CEP192: variants seen among roughly 807,000 people sequenced by gnomAD.
The protein encoded by CEP192 is centrosomal protein 192, also known as centrosomal protein of 192 kDa.
Under a neutral mutation model 271.8 loss-of-function variants are expected in CEP192, and 151 were observed. That is an observed-to-expected ratio of 0.56 (90% CI 0.49 to 0.64). The LOEUF (loss-of-function observed/expected upper bound fraction) is 0.64, where lower values mean the gene tolerates loss of function less well. CEP192 is among the 30% of genes least tolerant of loss of function. The probability of loss-of-function intolerance (pLI) is 0.00; values close to 1 mark genes in which losing one functional copy is unlikely to be tolerated. For synonymous variants in CEP192, 995 were observed against 1,076.5 expected, an observed-to-expected ratio of 0.92 and a Z score of 1.48; for missense variants, 2,910 against 3,020.5, an observed-to-expected ratio of 0.96 and a Z score of 0.86.
intron 20 of CEP192, chr18:13,058,708 G>A (rs1038745149): frequency 6.0e-5 from 12 of 199,088 alleles, no homozygotes; most frequent in Admixed American, 1.1e-4. Flanking sequence ...GGACCTCAGC[G>A]GTTAGCCTGA....
At chr18:13,070,951 C>T (rs1283956318) in intron 27 of CEP192, 88 bp from the exon 28 acceptor site, 3 of 1,043,178 alleles carry the variant, frequency 2.9e-6, no homozygotes, top group East Asian at 4.8e-5. Flanking sequence ...GCACCCAGTT[C>T]AGTCTTTTGG....
At chr18:13,107,814 A>C (rs1185436383) in intron 40 of CEP192, among the ~76,000 whole-genome samples, 1 of 152,170 alleles carries the variant, frequency 6.6e-6, no homozygotes, top group Non-Finnish European at 1.5e-5. Context: ...GTTTATTAAA[A>C]AATAATTGTT....
chr18:13,020,736 CTT>C (rs1477183601), intron 9 of CEP192, among the ~76,000 whole-genome samples: 2 of 152,168 alleles, frequency 1.3e-5, no homozygotes, highest in South Asian at 2.1e-4. Flanking sequence ...ATTTAACACT[CTT>C]TACTTTTTTC....
intron 9 of CEP192, among the ~76,000 whole-genome samples, chr18:13,023,956 A>G (rs897700433): frequency 2.0e-5 from 3 of 152,126 alleles, no homozygotes; most frequent in African/African-American, 4.8e-5. Context: ...GATAAGAAGA[A>G]TGTGTATTCT....
At chr18:12,997,341 T>A (rs1227438545) in intron 1 of CEP192, among the ~76,000 whole-genome samples, 1 of 152,178 alleles carries the variant, frequency 6.6e-6, no homozygotes, top group Non-Finnish European at 1.5e-5. Context: ...AGAGTTAAGT[T>A]ACCTTTTAAG....
At chr18:13,055,202 C>T (rs1176436561) in intron 18 of CEP192, among the ~76,000 whole-genome samples, 2 of 151,476 alleles carry the variant, frequency 1.3e-5, no homozygotes, top group African/African-American at 4.9e-5. Context: ...TGGCTTGAAC[C>T]AGGGAGGCGA....
At position 13,052,410 on chromosome 18, in the gene CEP192, A is replaced by G. The variant is rs142290390; in HGVS notation, c.3018-509A>G. Among the ~76,000 whole-genome samples the G allele has an allele frequency of 6.3e-3, 954 of 152,264 alleles. 1 individual carries two copies. Among genetic ancestry groups the G allele is most frequent in the Middle Eastern group, 0.017 (5 of 294 alleles). Reference sequence around the variant, plus strand: ...GACATGTCCTTTTTGTGAAGTCTTTATATTTATCATTAATTTTTTTTCTCA... The same window carrying G: ...GACATGTCCTTTTTGTGAAGTCTTTGTATTTATCATTAATTTTTTTTCTCA... On this transcript the variant is annotated intron_variant, in intron 17 of 44. Coordinates refer to ENST00000506447, the MANE Select transcript of CEP192 (RefSeq NM_032142.4).
chr18:13,115,450 G>A (rs1428540060), intron 42 of CEP192, among the ~76,000 whole-genome samples: 2 of 152,212 alleles, frequency 1.3e-5, no homozygotes, highest in African/African-American at 4.8e-5. Flanking sequence ...GGCAAGGCCA[G>A]AGCTGGGCCT....
At chr18:13,002,007 C>T (rs1211265374) in intron 3 of CEP192, among the ~76,000 whole-genome samples, 2 of 152,216 alleles carry the variant, frequency 1.3e-5, no homozygotes, top group African/African-American at 4.8e-5. Context: ...CGTGAGCCAC[C>T]GCGCCCGGCC....
intron 30 of CEP192, among the ~76,000 whole-genome samples, chr18:13,086,728 C>G (rs1195376501): frequency 6.6e-6 from 1 of 152,226 alleles, no homozygotes; most frequent in African/African-American, 2.4e-5. Context: ...TCAAGCATAT[C>G]TGTACTAATC....
rs1222860758 is a variant in CEP192, at chr18:13,015,512, T to A, written c.640+64T>A. On this transcript the variant is annotated intron_variant, in intron 6 of 44. Coordinates refer to ENST00000506447, the MANE Select transcript of CEP192 (RefSeq NM_032142.4). The stretch of plus-strand genomic sequence containing the variant: ...TGCCACTCCACTTTATTCTTCTTTG[T>A]TGCAGTAGTTATGATGCCAACTTTT... 65 of 1,516,342 alleles carry A rather than the reference T, an allele frequency of 4.3e-5. No individual in the cohort carries two copies. The Middle Eastern group carries it at 1.9e-3, about 43-fold the overall frequency. 93.9% of individuals were successfully genotyped at this position (1,516,342 alleles called of 1,614,324 possible).
In CEP192 at chr18:13,038,502, C is replaced by A; in HGVS notation, c.1732C>A (p.Arg578Ser). ...DLDKDDASYL[R>S]LSLGEFFAQR... Reference sequence around the variant, plus strand: ...GGATAAAGATGATGCCAGTTATTTACGTCTGTCTTTAGGAGAGTTCTTTGC... The same window carrying A: ...GGATAAAGATGATGCCAGTTATTTAAGTCTGTCTTTAGGAGAGTTCTTTGC... The change falls in exon 13 of 45, where the codon CGT becomes AGT. Residue 578 changes from arginine to serine, a missense_variant. Coordinates refer to ENST00000506447, the MANE Select transcript of CEP192 (RefSeq NM_032142.4). The A allele has an allele frequency of 6.4e-7, 1 of 1,551,560 alleles. No homozygotes were observed. The highest frequency in any genetic ancestry group is 1.2e-5 in the South Asian group (1 of 84,066).
At chr18:13,094,671 A>G (rs932647316) in intron 34 of CEP192, among the ~76,000 whole-genome samples, 3 of 152,210 alleles carry the variant, frequency 2.0e-5, no homozygotes, top group African/African-American at 7.2e-5. Context: ...AGGTGTGCTC[A>G]TGCTGTTGAG....
At chr18:13,063,474 C>T (rs151179408) in intron 21 of CEP192, among the ~76,000 whole-genome samples, 93 of 152,264 alleles carry the variant, frequency 6.1e-4, no homozygotes, top group African/African-American at 2.2e-3. Flanking sequence ...TCAGTGATGT[C>T]GAGCACCTTT....
intron 4 of CEP192, among the ~76,000 whole-genome samples, chr18:13,009,899 T>C (rs1382788560): frequency 6.6e-6 from 1 of 152,154 alleles, no homozygotes; most frequent in Non-Finnish European, 1.5e-5. Flanking sequence ...GGTCAGGCAC[T>C]GTGGCTTATG....
intron 39 of CEP192, chr18:13,103,837 GCAC>G (rs900491072): frequency 3.5e-6 from 2 of 567,172 alleles, no homozygotes; most frequent in African/African-American, 3.7e-5. Context: ...CCACAGGTGT[GCAC>G]CACCATGTCC....
At chr18:13,038,919 GTTA>G (rs2143756494) in intron 13 of CEP192, among the ~76,000 whole-genome samples, 1 of 152,256 alleles carries the variant, frequency 6.6e-6, no homozygotes, top group South Asian at 2.1e-4. Context: ...CATTGCTGTT[GTTA>G]TTGTTGGTTG....
chr18:12,995,228 A>AT (rs557224287), intron 1 of CEP192, among the ~76,000 whole-genome samples: 18 of 148,106 alleles, frequency 1.2e-4, no homozygotes, highest in Non-Finnish European at 1.5e-4. Context: ...CGCCCGGCTA[A>AT]TTTTTTTTTT....
chr18:13,015,541 G>GT, intron 6 of CEP192, 93 bp downstream of exon 6: 1 of 1,324,022 alleles, frequency 7.6e-7, no homozygotes, highest in Non-Finnish European at 1.0e-6. Context: ...AACTTTTTGG[G>GT]TTTTTTGTCC....
Sources: allele counts gnomAD v4.1 joint callset (sites outside exome capture counted in the v4.1 genomes callset), GRCh38; gene constraint gnomAD v4.1.1; transcripts MANE v1.5; gene names NCBI Gene and HGNC (gene_info 2026-07-23, HGNC 2026-07-21).